Variants in TOLLIP observed in about 807,000 individuals in gnomAD.
TOLLIP encodes toll-interacting protein.
TOLLIP carries 16 observed loss-of-function variants against 33.5 expected under a neutral mutation model. That is an observed-to-expected ratio of 0.48 (90% CI 0.32 to 0.72). The LOEUF (loss-of-function observed/expected upper bound fraction) is 0.72. Ranked by LOEUF, TOLLIP falls within the 30% of genes least tolerant of loss-of-function variation. The pLI is 0.03. For synonymous variants in TOLLIP, 176 were observed against 163.7 expected, an observed-to-expected ratio of 1.07 and a Z score of -0.57; for missense variants, 325 against 396.6, an observed-to-expected ratio of 0.82 and a Z score of 1.53.
At chr11:1,293,227 T>C (rs1467411259) in intron 2 of TOLLIP, among the ~76,000 whole-genome samples, 1 of 151,654 alleles carries the variant, frequency 6.6e-6, no homozygotes, top group African/African-American at 2.4e-5. Flanking sequence ...GCCGGGAGGG[T>C]GGCCCGAGAG....
At chr11:1,300,581 A>G (rs982760579) in intron 1 of TOLLIP, among the ~76,000 whole-genome samples, 6 of 152,240 alleles carry the variant, frequency 3.9e-5, no homozygotes, top group African/African-American at 1.4e-4. Flanking sequence ...CACGTCTCCA[A>G]CGGAGAGAGC....
chr11:1,293,705 G>A lies in TOLLIP; in HGVS notation c.183+1940C>T, dbSNP rs543540489. On this transcript the variant is annotated intron_variant, in intron 2 of 5. Transcript: ENST00000317204. ...AAGGGGGGCCAGAGGCGTGGGCAAC[G>A]CCAGGGCCACCTCCAAGGCCCAGCC... Among the ~76,000 whole-genome samples, 12 of 152,352 alleles carry A rather than the reference G, an allele frequency of 7.9e-5. 1 individual carries two copies. The South Asian group carries it at 8.3e-4, about 11-fold the overall frequency.
At chr11:1,292,345 T>C (rs1453595579) in intron 2 of TOLLIP, among the ~76,000 whole-genome samples, 3 of 152,244 alleles carry the variant, frequency 2.0e-5, no homozygotes, top group African/African-American at 7.2e-5. Context: ...CTATGACTTA[T>C]TTTTATTAAT....
At chr11:1,307,834 T>G (rs979679029) in intron 1 of TOLLIP, among the ~76,000 whole-genome samples, 2 of 152,246 alleles carry the variant, frequency 1.3e-5, no homozygotes, top group Admixed American at 6.5e-5. Context: ...GTCAGGAGGT[T>G]TCCTTCAAAG....
rs1017465451 is a variant in TOLLIP, at chr11:1,276,848, C to A, written c.*191G>T. ...CGAGATGGGAGGGGAGCCCCCGCCC[C>A]GTCCTGGACCGCCAGGAACCGAAAA... On this transcript the variant is annotated 3_prime_UTR_variant, in exon 6 of 6. Transcript: ENST00000317204. 2.5e-5 allele frequency: 39 copies of A among 1,533,062 alleles called. No homozygotes were observed. The highest frequency in any genetic ancestry group is 3.1e-5 in the Non-Finnish European group (35 of 1,145,220). 95.0% of individuals were successfully genotyped at this position (1,533,062 alleles called of 1,614,324 possible).
At chr11:1,282,982 A>T (rs539863803) in intron 5 of TOLLIP, among the ~76,000 whole-genome samples, 30 of 152,376 alleles carry the variant, frequency 2.0e-4, no homozygotes, top group African/African-American at 7.2e-4. Flanking sequence ...GTAAATCCAC[A>T]TTGCTGGGGA....
At chr11:1,284,473 C>T (rs1302097013) in intron 5 of TOLLIP, among the ~76,000 whole-genome samples, 3 of 152,242 alleles carry the variant, frequency 2.0e-5, no homozygotes, top group South Asian at 2.1e-4. Context: ...CTCAGCCTCC[C>T]GAGCAGCTGG....
chr11:1,296,111 C>T (rs1864106229), intron 1 of TOLLIP, among the ~76,000 whole-genome samples: 1 of 152,242 alleles, frequency 6.6e-6, no homozygotes, highest in Non-Finnish European at 1.5e-5. Flanking sequence ...GTCTCCCTTG[C>T]ACCATGTGTG....
chr11:1,292,755 G>A (rs775690258), intron 2 of TOLLIP, among the ~76,000 whole-genome samples: 1 of 152,242 alleles, frequency 6.6e-6, no homozygotes, highest in African/African-American at 2.4e-5. Flanking sequence ...CACGGGCACC[G>A]CTGCTTTCCC....
intron 1 of TOLLIP, among the ~76,000 whole-genome samples, chr11:1,304,556 A>C (rs1864372427): frequency 6.6e-6 from 1 of 152,248 alleles, no homozygotes; most frequent in Non-Finnish European, 1.5e-5. Context: ...GGGGCGGCCG[A>C]GGTCTCCGCG....
At chr11:1,283,553 G>A (rs961570080) in intron 5 of TOLLIP, 7 of 456,120 alleles carry the variant, frequency 1.5e-5, no homozygotes, top group Non-Finnish European at 2.2e-5. Flanking sequence ...CATCTCCTTG[G>A]GAACTTTTCT....
chr11:1,280,926 G>A (rs750520175), intron 5 of TOLLIP, among the ~76,000 whole-genome samples: 10 of 152,218 alleles, frequency 6.6e-5, no homozygotes, highest in Non-Finnish European at 1.2e-4. Flanking sequence ...TGGCACCCGC[G>A]CTGGTCTCTC....
intron 4 of TOLLIP, among the ~76,000 whole-genome samples, chr11:1,286,487 A>G (rs184060576): frequency 3.5e-4 from 53 of 152,298 alleles, no homozygotes; most frequent in African/African-American, 1.3e-3. Flanking sequence ...GTCAACTCTG[A>G]GTTCAAAACT....
chr11:1,296,429 A>G (rs1864113692), intron 1 of TOLLIP, among the ~76,000 whole-genome samples: 1 of 152,230 alleles, frequency 6.6e-6, no homozygotes, highest in African/African-American at 2.4e-5. Context: ...CAGGCAGGAC[A>G]ATGCCATCCC....
chr11:1,295,877 G>A (rs1052605603), intron 1 of TOLLIP, 83 bp from the exon 2 acceptor site: 49 of 1,462,324 alleles, frequency 3.4e-5, no homozygotes, highest in African/African-American at 4.2e-5. Context: ...CGGCATTCCC[G>A]CGGCCCCGCC....
At chr11:1,281,929 G>T (rs568811630) in intron 5 of TOLLIP, among the ~76,000 whole-genome samples, 2 of 152,374 alleles carry the variant, frequency 1.3e-5, no homozygotes, top group African/African-American at 4.8e-5. Context: ...CCTCTCCAAG[G>T]TCTCCGCAGA....
At chr11:1,280,468 C>T (rs1234221423) in intron 5 of TOLLIP, among the ~76,000 whole-genome samples, 6 of 152,028 alleles carry the variant, frequency 3.9e-5, no homozygotes, top group Admixed American at 2.6e-4. Context: ...CCCACAGAGA[C>T]GCAGGCCAGG....
At position 1,290,439 on chromosome 11, in the gene TOLLIP, G is replaced by A. The variant is rs1174463127; in HGVS notation, c.184-30C>T. ...AATGAAGCCAATGTCAGGAAAAGGA[G>A]GTGCCAACCATCAGGAGAGGGTGGG... On this transcript the variant is annotated intron_variant, in intron 2 of 5. Transcript: ENST00000317204. The surrounding 1 kb of genome is among the most constrained non-coding windows in gnomAD (Gnocchi z 4.9). 2 of 1,605,472 alleles carry A rather than the reference G, an allele frequency of 1.2e-6. No homozygotes were observed. The highest frequency in any genetic ancestry group is 8.5e-7 in the Non-Finnish European group (1 of 1,173,572).
intron 1 of TOLLIP, among the ~76,000 whole-genome samples, chr11:1,304,154 C>T (rs1481138468): frequency 6.6e-6 from 1 of 151,964 alleles, no homozygotes; most frequent in Non-Finnish European, 1.5e-5. Context: ...GGGACATCCA[C>T]TCCCGGGCTG....
Sources: allele counts gnomAD v4.1 joint callset (sites outside exome capture counted in the v4.1 genomes callset), GRCh38; gene constraint gnomAD v4.1.1; non-coding constraint Gnocchi (gnomAD v3.1); transcripts MANE v1.5; gene names NCBI Gene and HGNC (gene_info 2026-07-23, HGNC 2026-07-21).